The following FSTL4 variants were observed in gnomAD, a reference collection of about 807,000 sequenced individuals.
FSTL4 encodes the protein follistatin-related protein 4.
FSTL4 carries 28 observed loss-of-function variants against 78.2 expected under a neutral mutation model. That is an observed-to-expected ratio of 0.36 (90% CI 0.27 to 0.49). FSTL4 has a LOEUF of 0.49. Ranked by LOEUF, FSTL4 falls within the 20% of genes least tolerant of loss-of-function variation. The pLI, the probability that FSTL4 is intolerant of heterozygous loss-of-function variation, is 0.98. For missense variants in FSTL4, 922 were observed against 1,084.9 expected (o/e 0.85, Z 2.11); for synonymous variants, 422 against 440.5 (o/e 0.96, Z 0.53).
chr5:133,752,391 C>A, the FSTL4 span, among the ~76,000 whole-genome samples: 1 of 152,018 alleles, frequency 6.6e-6, no homozygotes, highest in Admixed American at 6.6e-5. Context: ...GGCCACAATC[C>A]CCCTCTCATA....
At chr5:133,272,333 C>T (rs999127520) in intron 6 of FSTL4, among the ~76,000 whole-genome samples, 1 of 152,212 alleles carries the variant, frequency 6.6e-6, no homozygotes, top group Non-Finnish European at 1.5e-5. Context: ...ATTCTTAACG[C>T]ATTGTTTGTC....
At chr5:133,801,688 G>C in the FSTL4 span, among the ~76,000 whole-genome samples, 1 of 152,244 alleles carries the variant, frequency 6.6e-6, no homozygotes, top group Non-Finnish European at 1.5e-5. Context: ...GGTGCAGTTA[G>C]GGGAACCCCT....
chr5:133,274,114 C>T (rs1301341394), intron 6 of FSTL4, among the ~76,000 whole-genome samples: 1 of 152,192 alleles, frequency 6.6e-6, no homozygotes, highest in Admixed American at 6.5e-5. Context: ...GTGGCTGGGG[C>T]TGATGGAGTT....
intron 3 of FSTL4, among the ~76,000 whole-genome samples, chr5:133,403,074 T>G (rs1022467800): frequency 3.3e-5 from 5 of 152,206 alleles, no homozygotes; most frequent in African/African-American, 1.2e-4. Context: ...GAAAATGGGT[T>G]ACCCTAGAAA....
At chr5:133,590,359 A>G (rs1760598018) in intron 2 of FSTL4, among the ~76,000 whole-genome samples, 2 of 152,136 alleles carry the variant, frequency 1.3e-5, no homozygotes, top group Admixed American at 6.5e-5. Context: ...TTTTAATGCA[A>G]TAAGACTTTG....
chr5:133,444,514 C>T (rs1304482413), intron 3 of FSTL4, among the ~76,000 whole-genome samples: 1 of 152,248 alleles, frequency 6.6e-6, no homozygotes, highest in Admixed American at 6.5e-5. Context: ...CAAAAAAGGT[C>T]TGTTATGTCT....
chr5:133,311,385 A>G (rs889060814), intron 6 of FSTL4, among the ~76,000 whole-genome samples: 23 of 152,174 alleles, frequency 1.5e-4, no homozygotes, highest in African/African-American at 5.6e-4. Context: ...TAAATCAAGC[A>G]AAGCTCTGGA....
intron 3 of FSTL4, among the ~76,000 whole-genome samples, chr5:133,454,255 G>A (rs907142362): frequency 3.9e-5 from 6 of 152,218 alleles, no homozygotes; most frequent in Admixed American, 1.3e-4. Context: ...AATAAAGCAT[G>A]TATTGTAAAA....
the FSTL4 span, among the ~76,000 whole-genome samples, chr5:133,734,248 C>A: frequency 6.6e-6 from 1 of 152,134 alleles, no homozygotes; most frequent in East Asian, 1.9e-4. Flanking sequence ...TGGATCACAA[C>A]TAAGACAAAC....
chr5:133,709,172 C>T, the FSTL4 span, among the ~76,000 whole-genome samples: 158 of 152,270 alleles, frequency 1.0e-3, no homozygotes, highest in Non-Finnish European at 1.7e-3. Flanking sequence ...TACAGACCAC[C>T]CCCGGGTCAT....
chr5:133,349,471 C>T (rs1295336423), intron 4 of FSTL4, among the ~76,000 whole-genome samples: 5 of 152,236 alleles, frequency 3.3e-5, no homozygotes. Context: ...AGAATACTTC[C>T]AAATGTCATG....
At chr5:133,492,841 T>C (rs1270279009) in intron 3 of FSTL4, among the ~76,000 whole-genome samples, 1 of 152,050 alleles carries the variant, frequency 6.6e-6, no homozygotes, top group Admixed American at 6.5e-5. Flanking sequence ...CTTTTAACAA[T>C]ATTTCTTAAT....
chr5:133,788,560 T>C, the FSTL4 span, among the ~76,000 whole-genome samples: 1 of 152,200 alleles, frequency 6.6e-6, no homozygotes, highest in Non-Finnish European at 1.5e-5. Context: ...GCACTGCCCA[T>C]GTCTCTGTGG....
chr5:133,240,247 C>T (rs563593974), intron 7 of FSTL4, among the ~76,000 whole-genome samples: 11 of 152,264 alleles, frequency 7.2e-5, no homozygotes, highest in African/African-American at 2.6e-4. Flanking sequence ...TGCGAGGGTC[C>T]GCGGCTTCAT....
intron 4 of FSTL4, among the ~76,000 whole-genome samples, chr5:133,388,992 G>T (rs1198375701): frequency 6.6e-6 from 1 of 151,006 alleles, no homozygotes; most frequent in Non-Finnish European, 1.5e-5. Flanking sequence ...TTGTATTTCA[G>T]GTTCTTTATA....
At chr5:133,549,117 C>T (rs2112926759) in intron 3 of FSTL4, among the ~76,000 whole-genome samples, 1 of 152,306 alleles carries the variant, frequency 6.6e-6, no homozygotes, top group East Asian at 1.9e-4. Flanking sequence ...ACTGGGCTTC[C>T]TGTATCTGAG....
chr5:133,704,694 C>T, the FSTL4 span, among the ~76,000 whole-genome samples: 1 of 152,248 alleles, frequency 6.6e-6, no homozygotes, highest in Non-Finnish European at 1.5e-5. Flanking sequence ...AAGATACTGT[C>T]AGCAGCGTGG....
the FSTL4 span, among the ~76,000 whole-genome samples, chr5:133,813,685 A>G: frequency 6.6e-6 from 1 of 152,218 alleles, no homozygotes; most frequent in African/African-American, 2.4e-5. Context: ...TTCCTTTGGC[A>G]TGCCTTAAAT....
intron 2 of FSTL4, among the ~76,000 whole-genome samples, chr5:133,581,392 A>C (rs1039881309): frequency 2.0e-5 from 3 of 152,234 alleles, no homozygotes; most frequent in African/African-American, 7.2e-5. Flanking sequence ...GAGGAGATTG[A>C]AAGGTGCTAC....
Sources: allele counts gnomAD v4.1 joint callset (sites outside exome capture counted in the v4.1 genomes callset), GRCh38; gene constraint gnomAD v4.1.1; transcripts MANE v1.5; gene names NCBI Gene and HGNC (gene_info 2026-07-23, HGNC 2026-07-21).